Variants in ROBO1 observed in about 807,000 individuals in gnomAD.
ROBO1 encodes roundabout homolog 1.
A neutral mutation model predicts 195.9 loss-of-function variants in ROBO1; 149 were observed. The ratio of observed to expected loss-of-function variants is 0.76; its 90% CI spans 0.67 to 0.87. The LOEUF (loss-of-function observed/expected upper bound fraction) is 0.87, where lower values mean the gene tolerates loss of function less well. Among genes scored for constraint, ROBO1 ranks in the 40% least tolerant of loss-of-function variants. ROBO1 has a pLI of 0.00. For missense variants in ROBO1, 1,933 were observed against 2,068.3 expected (o/e 0.93, Z 1.27); for synonymous variants, 816 against 733.2 (o/e 1.11, Z -1.82).
intron 2 of ROBO1, among the ~76,000 whole-genome samples, chr3:79,165,476 A>T (rs2081048300): frequency 6.6e-6 from 1 of 152,180 alleles, no homozygotes; most frequent in Non-Finnish European, 1.5e-5. Context: ...TATTTGTCAG[A>T]AGGAGATTGT....
At chr3:78,760,705 TATC>T (rs2083077028) in intron 4 of ROBO1, among the ~76,000 whole-genome samples, 2 of 152,144 alleles carry the variant, frequency 1.3e-5, no homozygotes, top group African/African-American at 4.8e-5. Context: ...GGAGTGGTGT[TATC>T]ATGGCTCACG....
chr3:79,325,465 T>C (rs935135030), intron 2 of ROBO1, among the ~76,000 whole-genome samples: 1 of 152,192 alleles, frequency 6.6e-6, no homozygotes, highest in African/African-American at 2.4e-5. Context: ...TATTTTCTCA[T>C]TGTCAAGATT....
intron 2 of ROBO1, among the ~76,000 whole-genome samples, chr3:79,351,199 T>C (rs1209811892): frequency 6.6e-6 from 1 of 152,184 alleles, no homozygotes; most frequent in African/African-American, 2.4e-5. Context: ...ATAAAAAATT[T>C]GGCTTTATAG....
rs1159195043 is a variant in ROBO1, at chr3:78,711,428, TTTCTTTCTTTCTTTCC to T, written c.1045+2953_1045+2968del. On this transcript the variant is annotated intron_variant, in intron 8 of 30. Coordinates refer to ENST00000464233, the MANE Select transcript of ROBO1 (RefSeq NM_002941.4). ...CTTTCTTTCTTTCTTTCTTTCTTTC[TTTCTTTCTTTCTTTCC>T]TTCCTTCCTTCCTTCCTTCCTTTTC... Among the ~76,000 whole-genome samples the T allele has an allele frequency of 1.2e-3, 131 of 105,986 alleles. 8 individuals carry two copies. Among genetic ancestry groups the T allele is most frequent in the African/African-American group, 3.2e-3 (81 of 25,312 alleles). 69.5% of individuals were successfully genotyped at this position (105,986 alleles called of 152,430 possible).
chr3:78,841,515 C>T (rs528259662), intron 4 of ROBO1, among the ~76,000 whole-genome samples: 4 of 152,210 alleles, frequency 2.6e-5, no homozygotes, highest in African/African-American at 7.2e-5. Flanking sequence ...ACAATTGACT[C>T]GACCCAGTTA....
intron 1 of ROBO1, among the ~76,000 whole-genome samples, chr3:79,616,535 C>A (rs2107950383): frequency 6.6e-6 from 1 of 152,180 alleles, no homozygotes; most frequent in South Asian, 2.1e-4. Context: ...AACCAGATAA[C>A]ATGGTCTCCC....
At chr3:78,672,594 C>CAAAA (rs368446414) in intron 10 of ROBO1, among the ~76,000 whole-genome samples, 5 of 73,928 alleles carry the variant, frequency 6.8e-5, no homozygotes, top group Admixed American at 1.7e-4. Context: ...GACCCTGTCT[C>CAAAA]AAAAAAAAAA....
At chr3:79,136,851 T>C (rs1049435940) in intron 2 of ROBO1, among the ~76,000 whole-genome samples, 3 of 152,056 alleles carry the variant, frequency 2.0e-5, no homozygotes, top group African/African-American at 4.8e-5. Flanking sequence ...AATCAGTAGG[T>C]GCTTTTAGGT....
At chr3:79,400,829 T>C (rs2037343303) in intron 2 of ROBO1, among the ~76,000 whole-genome samples, 1 of 151,992 alleles carries the variant, frequency 6.6e-6, no homozygotes, top group Admixed American at 6.6e-5. Flanking sequence ...AATACGTCAA[T>C]AATTTAGTAA....
At chr3:79,445,335 A>G (rs1165015863) in intron 2 of ROBO1, among the ~76,000 whole-genome samples, 1 of 152,024 alleles carries the variant, frequency 6.6e-6, no homozygotes, top group Non-Finnish European at 1.5e-5. Context: ...TTACTTTATA[A>G]GAATGAACTT....
chr3:78,942,016 C>G (rs1386784638), intron 3 of ROBO1, among the ~76,000 whole-genome samples: 2 of 152,004 alleles, frequency 1.3e-5, no homozygotes, highest in African/African-American at 4.8e-5. Context: ...ATCTGAAAAC[C>G]AGGGTCAAGC....
intron 2 of ROBO1, among the ~76,000 whole-genome samples, chr3:79,575,162 CAAATATATAT>C (rs1391982123): frequency 3.3e-4 from 12 of 36,240 alleles, no homozygotes; most frequent in African/African-American, 6.6e-4. Context: ...ATATATATAA[CAAATATATAT>C]AAATATATAT....
At chr3:78,802,013 G>A (rs2108580176) in intron 4 of ROBO1, among the ~76,000 whole-genome samples, 1 of 152,154 alleles carries the variant, frequency 6.6e-6, no homozygotes, top group Non-Finnish European at 1.5e-5. Flanking sequence ...TTCCCTTAAA[G>A]AGGTCTTATG....
At chr3:78,789,317 G>T (rs2083946754) in intron 4 of ROBO1, among the ~76,000 whole-genome samples, 1 of 152,068 alleles carries the variant, frequency 6.6e-6, no homozygotes, top group Non-Finnish European at 1.5e-5. Flanking sequence ...CATTAATGTG[G>T]ACCCGACTTC....
intron 2 of ROBO1, among the ~76,000 whole-genome samples, chr3:79,139,515 A>G (rs939252250): frequency 8.5e-5 from 13 of 152,286 alleles, no homozygotes; most frequent in East Asian, 5.8e-4. Context: ...AAAGTCATGG[A>G]GGTTGTCATA....
intron 3 of ROBO1, among the ~76,000 whole-genome samples, chr3:78,966,410 T>C (rs941533915): frequency 6.6e-6 from 1 of 152,212 alleles, no homozygotes; most frequent in Admixed American, 6.5e-5. Context: ...ATTTAACTGC[T>C]TGGTACATCA....
chr3:78,992,211 G>A (rs1269821482), intron 3 of ROBO1, among the ~76,000 whole-genome samples: 2 of 152,128 alleles, frequency 1.3e-5, no homozygotes, highest in South Asian at 2.1e-4. Context: ...AGGCATCCAT[G>A]GCTACCCAAC....
intron 4 of ROBO1, among the ~76,000 whole-genome samples, chr3:78,772,695 T>C (rs1316729707): frequency 6.6e-6 from 1 of 152,114 alleles, no homozygotes; most frequent in African/African-American, 2.4e-5. Flanking sequence ...ATGTGAGTTA[T>C]GAATTATGAG....
chr3:79,546,732 A>T (rs1392197098), intron 2 of ROBO1, among the ~76,000 whole-genome samples: 14 of 152,222 alleles, frequency 9.2e-5, no homozygotes, highest in Admixed American at 9.2e-4. Context: ...AATGGCCTCC[A>T]GTACTTGCAA....
Sources: allele counts gnomAD v4.1 joint callset (sites outside exome capture counted in the v4.1 genomes callset), GRCh38; gene constraint gnomAD v4.1.1; transcripts MANE v1.5; gene names NCBI Gene and HGNC (gene_info 2026-07-23, HGNC 2026-07-21).